CNTNAP2: variants seen among roughly 807,000 people sequenced by gnomAD.
CNTNAP2 encodes contactin associated protein 2.
In CNTNAP2, 98 loss-of-function variants were observed where a neutral mutation model predicts 155.2. That is an observed-to-expected ratio of 0.63 (90% CI 0.54 to 0.75). CNTNAP2 has a LOEUF of 0.75. CNTNAP2 is among the 30% of genes least tolerant of loss of function. The pLI, the probability that CNTNAP2 is intolerant of heterozygous loss-of-function variation, is 0.00. For missense variants in CNTNAP2, 1,727 were observed against 1,688.1 expected (o/e 1.02, Z -0.40); for synonymous variants, 651 against 631.2 (o/e 1.03, Z -0.47).
rs71525991 is a variant in CNTNAP2 at position 147,183,152 on chromosome 7, GA to G, written c.1348+50654del. On this transcript the variant is annotated intron_variant, in intron 8 of 23. Transcript: ENST00000361727. Reference sequence around the variant, plus strand: ...AACAGTGGATGACTGCCAATGGTTAGAAAAAAAAAAAGGAAACATTAAGCTA... The same window carrying G: ...AACAGTGGATGACTGCCAATGGTTAGAAAAAAAAAAGGAAACATTAAGCTA... Among the ~76,000 whole-genome samples, 1,340 of 139,140 alleles carry G rather than the reference GA, an allele frequency of 9.6e-3. 8 individuals are homozygous for G. Among genetic ancestry groups the G allele is most frequent in the African/African-American group, 0.015 (564 of 37,988 alleles). The allele number at this position is 139,140 out of a possible 152,430, so 91.3% of individuals were successfully genotyped here.
intron 13 of CNTNAP2, among the ~76,000 whole-genome samples, chr7:147,715,398 G>A (rs1413329316): frequency 3.3e-5 from 5 of 152,024 alleles, no homozygotes; most frequent in Non-Finnish European, 7.4e-5. Context: ...GTAATATTTT[G>A]TTGTGGTTTC....
At chr7:147,327,881 G>C (rs1795490254) in intron 9 of CNTNAP2, among the ~76,000 whole-genome samples, 1 of 152,076 alleles carries the variant, frequency 6.6e-6, no homozygotes, top group South Asian at 2.1e-4. Flanking sequence ...TCATCCCAAA[G>C]AGTTGATCCA....
At chr7:147,197,985 G>A (rs1434732091) in intron 8 of CNTNAP2, among the ~76,000 whole-genome samples, 3 of 152,058 alleles carry the variant, frequency 2.0e-5, no homozygotes, top group African/African-American at 7.2e-5. Context: ...ATATGGTATT[G>A]CATGCCTAAA....
At chr7:146,985,803 C>G (rs983502141) in intron 3 of CNTNAP2, among the ~76,000 whole-genome samples, 6 of 151,960 alleles carry the variant, frequency 3.9e-5, no homozygotes, top group Non-Finnish European at 8.8e-5. Context: ...TTCTTCTGGA[C>G]AACATTAAAG....
chr7:146,807,099 C>G (rs1251056145), intron 2 of CNTNAP2, among the ~76,000 whole-genome samples: 2 of 152,020 alleles, frequency 1.3e-5, no homozygotes, highest in Admixed American at 6.6e-5. Context: ...TATTTTATAG[C>G]TATTAAAATT....
intron 3 of CNTNAP2, among the ~76,000 whole-genome samples, chr7:146,977,838 C>A (rs905384935): frequency 9.9e-5 from 15 of 152,188 alleles, no homozygotes; most frequent in African/African-American, 2.6e-4. Flanking sequence ...AATGAGTAAT[C>A]CTGTCAAATT....
chr7:146,151,920 G>A (rs1174552388), intron 1 of CNTNAP2, among the ~76,000 whole-genome samples: 1 of 151,126 alleles, frequency 6.6e-6, no homozygotes, highest in Non-Finnish European at 1.5e-5. Flanking sequence ...TGTTGGGAAT[G>A]TAAATTAGCT....
At chr7:147,739,767 TATC>T (rs1322776316) in intron 13 of CNTNAP2, among the ~76,000 whole-genome samples, 1 of 152,152 alleles carries the variant, frequency 6.6e-6, no homozygotes, top group Non-Finnish European at 1.5e-5. Context: ...TAATAAAATG[TATC>T]ATCAATATCA....
intron 13 of CNTNAP2, among the ~76,000 whole-genome samples, chr7:147,831,001 A>G (rs1381171379): frequency 6.6e-6 from 1 of 152,226 alleles, no homozygotes; most frequent in Non-Finnish European, 1.5e-5. Context: ...CTATCTATAC[A>G]TAGGTATCAC....
At chr7:147,430,003 A>G (rs1797439936) in intron 10 of CNTNAP2, among the ~76,000 whole-genome samples, 1 of 152,010 alleles carries the variant, frequency 6.6e-6, no homozygotes, top group Non-Finnish European at 1.5e-5. Context: ...TGATGCTTCC[A>G]TATTTGTTCT....
chr7:146,164,228 C>A (rs73737989), intron 1 of CNTNAP2, among the ~76,000 whole-genome samples: 5,044 of 151,858 alleles, frequency 0.033, 283 homozygotes, highest in African/African-American at 0.12. Context: ...AACATTTGCC[C>A]TATTAAATAT....
intron 1 of CNTNAP2, among the ~76,000 whole-genome samples, chr7:146,722,320 G>A (rs1801352605): frequency 6.6e-6 from 1 of 152,136 alleles, no homozygotes; most frequent in South Asian, 2.1e-4. Flanking sequence ...CCTGTGATGG[G>A]TAGGGCTTGG....
At chr7:146,739,226 G>C (rs10229469) in intron 1 of CNTNAP2, among the ~76,000 whole-genome samples, 9,705 of 151,738 alleles carry the variant, frequency 0.064, 1,006 homozygotes, top group African/African-American at 0.22. Context: ...TGCAATGTTA[G>C]GTCATTTACT....
At chr7:147,814,902 A>G (rs992168671) in intron 13 of CNTNAP2, among the ~76,000 whole-genome samples, 4 of 152,214 alleles carry the variant, frequency 2.6e-5, no homozygotes, top group Non-Finnish European at 5.9e-5. Context: ...TAATTAGAAC[A>G]TTTTTGTTAA....
chr7:147,642,800 A>G (rs1395531820), intron 13 of CNTNAP2, among the ~76,000 whole-genome samples: 3 of 152,210 alleles, frequency 2.0e-5, no homozygotes, highest in Admixed American at 6.5e-5. Context: ...AATAAATAAT[A>G]CTTCAAAAAT....
intron 13 of CNTNAP2, among the ~76,000 whole-genome samples, chr7:147,642,094 C>T (rs989877305): frequency 6.6e-6 from 1 of 151,730 alleles, no homozygotes; most frequent in Non-Finnish European, 1.5e-5. Flanking sequence ...AGACCAAGGG[C>T]AATAAGAGCC....
intron 1 of CNTNAP2, among the ~76,000 whole-genome samples, chr7:146,338,117 G>C (rs1235117707): frequency 2.0e-5 from 3 of 152,154 alleles, no homozygotes; most frequent in Non-Finnish European, 4.4e-5. Context: ...ATATATGGGG[G>C]CTGGGGGAGA....
chr7:148,200,612 C>T (rs779656541), intron 18 of CNTNAP2, among the ~76,000 whole-genome samples: 1 of 152,088 alleles, frequency 6.6e-6, no homozygotes, highest in Non-Finnish European at 1.5e-5. Context: ...TCAAAGACTC[C>T]TCTTACATAG....
intron 21 of CNTNAP2, among the ~76,000 whole-genome samples, chr7:148,368,177 T>C (rs1287551180): frequency 3.9e-5 from 6 of 152,144 alleles, no homozygotes; most frequent in African/African-American, 1.4e-4. Context: ...TCTTATCCTT[T>C]GAATAGCTCT....
Sources: gnomAD v4.1 joint callset for allele counts (sites outside exome capture counted in the v4.1 genomes callset) on GRCh38, gnomAD v4.1.1 for gene constraint, MANE v1.5 for transcripts, NCBI Gene and HGNC (gene_info 2026-07-23, HGNC 2026-07-21) for gene names.